MICAL2: variants seen among roughly 807,000 people sequenced by gnomAD.
MICAL2 encodes the protein [F-actin]-monooxygenase MICAL2.
MICAL2 carries 77 observed loss-of-function variants against 127.3 expected under a neutral mutation model. The observed-to-expected ratio is 0.60, with a 90% CI of 0.50 to 0.73. MICAL2 has a LOEUF of 0.73. Among genes scored for constraint, MICAL2 ranks in the 30% least tolerant of loss-of-function variants. The pLI, the probability that MICAL2 is intolerant of heterozygous loss-of-function variation, is 0.00. For synonymous variants in MICAL2, 570 were observed against 551.1 expected (o/e 1.03, Z -0.48); for missense variants, 1,351 against 1,434.4 (o/e 0.94, Z 0.94).
Position 12,222,605 on chromosome 11 carries a change from G to A in MICAL2, c.1323-12G>A, listed in dbSNP as rs377366130. 2.5e-5 allele frequency: 41 copies of A among 1,614,034 alleles called. No homozygotes were observed. The African/African-American group carries it at 2.8e-4, about 11-fold the overall frequency. ...AAGTGATCCCTGACCTCCAGGCTCCGCCTCCCTCCAGGGAAAGTCTCTACC... is the reference window on the plus strand; with the variant it reads ...AAGTGATCCCTGACCTCCAGGCTCCACCTCCCTCCAGGGAAAGTCTCTACC... On this transcript the variant is annotated splice_polypyrimidine_tract_variant and intron_variant, in intron 10 of 27. Transcript: ENST00000683283.
At chr11:12,250,726 A>C (rs971702589) in intron 22 of MICAL2, among the ~76,000 whole-genome samples, 1 of 150,394 alleles carries the variant, frequency 6.6e-6, no homozygotes, top group African/African-American at 2.5e-5. Flanking sequence ...CTTTGAAATT[A>C]CTAGTTCTTA....
intron 3 of MICAL2, chr11:12,197,426 G>A (rs1860082088): frequency 6.6e-6 from 1 of 152,190 alleles, no homozygotes; most frequent in African/African-American, 2.4e-5. Context: ...GCAATAAGCG[G>A]TAGCTTTGTT....
chr11:12,278,717 T>A (rs561075619), intron 1 of MICAL2, among the ~76,000 whole-genome samples: 29 of 152,218 alleles, frequency 1.9e-4, no homozygotes, highest in Middle Eastern at 3.4e-3. Context: ...TGGAGATGGA[T>A]TTGTTAATGG....
At chr11:12,178,425 AAT>A (rs879646239) in intron 3 of MICAL2, among the ~76,000 whole-genome samples, 7 of 151,906 alleles carry the variant, frequency 4.6e-5, no homozygotes, top group Non-Finnish European at 1.0e-4. Flanking sequence ...GAGAGACAGA[AAT>A]TATAGGCAAA....
chr11:12,180,347 A>ATTT lies in MICAL2; in HGVS notation c.264+17929_264+17930insTTT, dbSNP rs1269431607. On this transcript the variant is annotated intron_variant, in intron 3 of 27. Coordinates refer to ENST00000683283, the MANE Select transcript of MICAL2 (RefSeq NM_001282663.2). ...TGTTTATATACATGTATATATGTAT[A>ATTT]TATTTTTTTTTTGGCAGGAAGGTTT... Among the ~76,000 whole-genome samples, 6 of 131,248 alleles carry ATTT rather than the reference A, an allele frequency of 4.6e-5. No homozygotes were observed. The South Asian group carries it at 1.1e-3, about 25-fold the overall frequency. 86.1% of individuals were successfully genotyped at this position (131,248 alleles called of 152,430 possible). A position where few individuals can be genotyped will look rare whatever the true frequency, so the allele number is the denominator to read the frequency against.
chr11:12,159,752 T>G (rs115248657), intron 2 of MICAL2, among the ~76,000 whole-genome samples: 1,843 of 152,326 alleles, frequency 0.012, 61 homozygotes, highest in Admixed American at 0.062. Flanking sequence ...TAATACGATC[T>G]GCAAAGCAAA....
chr11:12,226,280 G>T lies in MICAL2; in HGVS notation c.1798G>T (p.Ala600Ser). Reference protein sequence around the residue: ...IPPVTTGKEMASAQEPDKLSM... With the variant: ...IPPVTTGKEMSSAQEPDKLSM... The stretch of plus-strand genomic sequence containing the variant: ...TCCAGTGACCACGGGCAAAGAGATG[G>T]CATCTGCCCAGGAGCCTGACAAGCT... The change falls in exon 14 of 28, where the codon GCA becomes TCA. Residue 600 changes from alanine (A) to serine (S), a missense_variant. Ala to Ser is a moderately conservative substitution (Grantham distance 99). Transcript: ENST00000683283. The T allele has an allele frequency of 1.2e-6, 2 of 1,614,242 alleles. No individual in the cohort carries two copies. Among genetic ancestry groups the T allele is most frequent in the Non-Finnish European group, 1.7e-6 (2 of 1,180,044 alleles).
upstream of MICAL2, among the ~76,000 whole-genome samples, chr11:12,275,487 G>A (rs1863714891): frequency 6.6e-6 from 1 of 152,194 alleles, no homozygotes. Flanking sequence ...GTGGAGCCAG[G>A]AGAGGAAATG....
downstream of MICAL2, among the ~76,000 whole-genome samples, chr11:12,268,663 G>A (rs1590715188): frequency 6.6e-6 from 1 of 152,182 alleles, no homozygotes; most frequent in East Asian, 1.9e-4. Flanking sequence ...GGCAGCAGAG[G>A]GGCTGAGGAA....
At chr11:12,141,303 T>A (rs1378818558) in intron 2 of MICAL2, among the ~76,000 whole-genome samples, 1 of 152,182 alleles carries the variant, frequency 6.6e-6, no homozygotes, top group Non-Finnish European at 1.5e-5. Context: ...AGATTTCTTA[T>A]TCAGGAATTC....
chr11:12,256,518 C>T (rs1424278304), intron 23 of MICAL2: 1 of 359,128 alleles, frequency 2.8e-6, no homozygotes, highest in African/African-American at 2.1e-5. Flanking sequence ...AAAACCAGAG[C>T]AGCCAACCTC....
At chr11:12,344,647 C>A (rs958190653) in intron 32 of MICAL2, among the ~76,000 whole-genome samples, 9 of 150,038 alleles carry the variant, frequency 6.0e-5, no homozygotes, top group African/African-American at 2.2e-4. Flanking sequence ...TTACAGGTGC[C>A]TACCACTATG....
chr11:12,319,570 G>A (rs2134838169), intron 29 of MICAL2: 5 of 685,772 alleles, frequency 7.3e-6, no homozygotes, highest in Non-Finnish European at 1.3e-5. Flanking sequence ...CTCACGGCAG[G>A]TGCAGTGAGG....
Position 12,258,576 on chromosome 11 carries a change from G to T in MICAL2, c.3231+20G>T, listed in dbSNP as rs1228979116. 1 of 1,603,376 alleles carries T rather than the reference G, an allele frequency of 6.2e-7. No individual in the cohort carries two copies. Among genetic ancestry groups the T allele is most frequent in the African/African-American group, 1.3e-5 (1 of 74,734 alleles). Reference sequence around the variant, plus strand: ...AGAGAGGTATGTTTGTCTCAAACATGCTGGTGAAACGGGGAAGGCCCCTTG... The same window carrying T: ...AGAGAGGTATGTTTGTCTCAAACATTCTGGTGAAACGGGGAAGGCCCCTTG... On this transcript the variant is annotated intron_variant, in intron 25 of 27. Transcript: ENST00000683283.
chr11:12,123,522 C>T (rs964027644), intron 1 of MICAL2, among the ~76,000 whole-genome samples: 6 of 152,146 alleles, frequency 3.9e-5, no homozygotes, highest in African/African-American at 1.4e-4. Flanking sequence ...CTTAAATGGT[C>T]CTTAAAAGTA....
chr11:12,283,199 G>A (rs1863790405), intron 2 of MICAL2, among the ~76,000 whole-genome samples: 1 of 152,126 alleles, frequency 6.6e-6, no homozygotes. Flanking sequence ...ACCAAATAAT[G>A]CAGGGTTGAC....
Position 12,236,081 on chromosome 11 carries a change from G to A in MICAL2, c.1996-96G>A, listed in dbSNP as rs376330602. On this transcript the variant is annotated intron_variant, in intron 15 of 27. Coordinates refer to ENST00000683283, the MANE Select transcript of MICAL2 (RefSeq NM_001282663.2). ...TTGTGGGCAGGGACACATCCTCAGC[G>A]CCAGCTCAAAGCCAGCCCTATGCCC... 5.5e-4 allele frequency: 566 copies of A among 1,026,752 alleles called. 5 individuals are homozygous for A. Among genetic ancestry groups the A allele is most frequent in the African/African-American group, 1.5e-3 (94 of 63,474 alleles). 63.6% of individuals were successfully genotyped at this position (1,026,752 alleles called of 1,614,324 possible).
At chr11:12,160,648 C>A (rs887847568) in intron 2 of MICAL2, among the ~76,000 whole-genome samples, 26 of 152,192 alleles carry the variant, frequency 1.7e-4, no homozygotes, top group Admixed American at 1.6e-3. Flanking sequence ...AAAATTGAAG[C>A]TTTCTTGAGA....
chr11:12,270,328 C>A (rs185540402), intron 24 of MICAL2, among the ~76,000 whole-genome samples: 65 of 152,308 alleles, frequency 4.3e-4, no homozygotes, highest in Non-Finnish European at 7.4e-4. Context: ...GTATCCCTTG[C>A]AAACTACATT....
Sources: allele counts gnomAD v4.1 joint callset (sites outside exome capture counted in the v4.1 genomes callset), GRCh38; gene constraint gnomAD v4.1.1; transcripts MANE v1.5; gene names NCBI Gene and HGNC (gene_info 2026-07-23, HGNC 2026-07-21).